The following YY1 variants were observed in gnomAD, a reference collection of about 807,000 sequenced individuals.
The protein encoded by YY1 is YY1 transcription factor, also known as transcriptional repressor protein YY1.
YY1 carries 2 observed loss-of-function variants against 35.6 expected under a neutral mutation model. That is an observed-to-expected ratio of 0.06 (90% confidence interval 0.02 to 0.18). YY1 has a LOEUF of 0.18. Ranked by LOEUF, YY1 falls within the 10% of genes least tolerant of loss-of-function variation. The pLI, the probability that YY1 is intolerant of heterozygous loss-of-function variation, is 1.00. For synonymous variants in YY1, 268 were observed against 238.9 expected (o/e 1.12, Z -1.12); for missense variants, 322 against 573.4 (o/e 0.56, Z 4.48).
chr14:100,273,465 A>AT (rs971131157), intron 2 of YY1, among the ~76,000 whole-genome samples: 3 of 151,032 alleles, frequency 2.0e-5, no homozygotes, highest in Non-Finnish European at 4.4e-5. Flanking sequence ...ATTTTGGGGG[A>AT]TTTTTTGTTT....
intron 1 of YY1, among the ~76,000 whole-genome samples, chr14:100,248,086 A>C (rs969086518): frequency 2.0e-5 from 3 of 148,508 alleles, no homozygotes; most frequent in East Asian, 2.0e-4. Context: ...CTGGGATTAC[A>C]GGTGTGCACC....
At position 100,277,032 on chromosome 14, in the gene YY1, C is replaced by A; in HGVS notation, c.1062+384C>A. The A allele has an allele frequency of 2.4e-6, 1 of 412,274 alleles. No homozygotes were observed. The highest frequency in any genetic ancestry group is 2.5e-5 in the South Asian group (1 of 39,738). The allele number at this position is 412,274 out of a possible 1,614,324, so 25.5% of individuals were successfully genotyped here. A position where few individuals can be genotyped will look rare whatever the true frequency, so the allele number is the denominator to read the frequency against. On this transcript the variant is annotated intron_variant, in intron 4 of 4. Transcript: ENST00000262238. This position sits in a 1 kb window ranked among gnomAD's most constrained non-coding sequence, Gnocchi z 5.6. ...TTCTAGAGTGTAAGTATAGGTAATA[C>A]TTTAGCCCATAAATAAGTGAAAGAA...
rs57119106 is a variant in YY1, at chr14:100,249,748, GT to G, written c.679+9836del. ...TCAAATCTCAGATTTGCTACTTACC[GT>G]TTTTTTTTTTGTTTGTTTTTGTTTT... On this transcript the variant is annotated intron_variant, in intron 1 of 4. Coordinates refer to ENST00000262238, the MANE Select transcript of YY1 (RefSeq NM_003403.5). Among the ~76,000 whole-genome samples, 247 of 141,032 alleles carry G rather than the reference GT, an allele frequency of 1.8e-3. 4 individuals are homozygous for G. The highest frequency in any genetic ancestry group is 6.0e-3 in the African/African-American group (226 of 37,720). 92.5% of individuals were successfully genotyped at this position (141,032 alleles called of 152,430 possible).
chr14:100,239,770 GGCGGCAAGAAGA>G lies in YY1; in HGVS notation c.540_551del (p.Gly181_Ser184del), dbSNP rs776894477. 2.9e-5 allele frequency: 46 copies of G among 1,575,008 alleles called. No homozygotes were observed. The highest frequency in any genetic ancestry group is 1.8e-4 in the Middle Eastern group (1 of 5,712). ...GGGAGGCGGCCGCGTCAAGAAGGGC[GGCGGCAAGAAGA>G]GCGGCAAGAAGAGTTACCTCAGCGG... On this transcript the variant is annotated inframe_deletion, in exon 1 of 5. Transcript: ENST00000262238.
chr14:100,258,546 A>C, intron 1 of YY1, among the ~76,000 whole-genome samples: 1 of 152,262 alleles, frequency 6.6e-6, no homozygotes, highest in African/African-American at 2.4e-5. Context: ...TTGTATTTTT[A>C]GTAGAGACGG....
intron 1 of YY1, among the ~76,000 whole-genome samples, chr14:100,249,100 ATTTTTTTTTTTTTTTTTTTT>A (rs60088505): frequency 0.029 from 1,367 of 46,988 alleles, 62 homozygotes; most frequent in African/African-American, 0.087. Flanking sequence ...TTCTCGTGTA[ATTTTTTTTTTTTTTTTTTTT>A]TTTTTTTTTT....
chr14:100,271,120 A>G (rs1266620072), intron 2 of YY1, among the ~76,000 whole-genome samples: 1 of 151,810 alleles, frequency 6.6e-6, no homozygotes, highest in African/African-American at 2.4e-5. Context: ...AGTGGCGGAC[A>G]CCTGTAGTCC....
intron 1 of YY1, among the ~76,000 whole-genome samples, chr14:100,254,919 G>A (rs544545776): frequency 3.1e-5 from 4 of 127,442 alleles, no homozygotes; most frequent in East Asian, 4.8e-4. Flanking sequence ...GATTACAAGC[G>A]CCCGCCACCA....
chr14:100,277,642 C>G lies in YY1; in HGVS notation c.*42C>G, dbSNP rs975501706. 1.9e-6 allele frequency: 3 copies of G among 1,596,810 alleles called. No homozygotes were observed. The highest frequency in any genetic ancestry group is 2.6e-6 in the Non-Finnish European group (3 of 1,165,804). On this transcript the variant is annotated 3_prime_UTR_variant, in exon 5 of 5. Coordinates refer to ENST00000262238, the MANE Select transcript of YY1 (RefSeq NM_003403.5). The surrounding 1 kb of genome is among the most constrained non-coding windows in gnomAD (Gnocchi z 5.6). ...CCTTCTCGACCACGGGAAGCATCTT[C>G]CAGAAGTGTGATTGGGAATAAATAT...
chr14:100,260,778 T>C (rs1891074880), intron 1 of YY1, among the ~76,000 whole-genome samples: 1 of 18,864 alleles, frequency 5.3e-5, no homozygotes, highest in Non-Finnish European at 1.0e-4. Flanking sequence ...GTCCTTTTTT[T>C]TTTTTTTTTT....
intron 2 of YY1, 24 bp from the exon 3 acceptor site, chr14:100,274,674 T>G: frequency 6.2e-7 from 1 of 1,606,908 alleles, no homozygotes; most frequent in South Asian, 1.1e-5. Flanking sequence ...CAAATCTGTC[T>G]GTCTCTCTTT....
At chr14:100,262,612 TTTG>T in intron 2 of YY1, 146 bp downstream of exon 2, 1 of 930,714 alleles carries the variant, frequency 1.1e-6, no homozygotes, top group African/African-American at 1.8e-5. Flanking sequence ...GTTTTATTTG[TTTG>T]TTTTTTGTTT....
chr14:100,254,130 A>G (rs1028183352), intron 1 of YY1, among the ~76,000 whole-genome samples: 15 of 152,062 alleles, frequency 9.9e-5, no homozygotes, highest in Admixed American at 2.6e-4. Flanking sequence ...GCCACCACAC[A>G]TGGCCAAGAT....
At chr14:100,262,224 A>G in intron 1 of YY1, 80 bp from the exon 2 acceptor site, 1 of 1,501,014 alleles carries the variant, frequency 6.7e-7, no homozygotes, top group Admixed American at 1.8e-5. Flanking sequence ...ACCCCATTTA[A>G]GAAGTTACTG....
chr14:100,274,629 A>G (rs1461784183), intron 2 of YY1, 69 bp from the exon 3 acceptor site: 24 of 1,364,184 alleles, frequency 1.8e-5, no homozygotes, highest in African/African-American at 5.7e-5. Flanking sequence ...TTTAGGGACT[A>G]TATGATTTAT....
chr14:100,245,244 C>A (rs1890815589), intron 1 of YY1, among the ~76,000 whole-genome samples: 1 of 152,172 alleles, frequency 6.6e-6, no homozygotes, highest in African/African-American at 2.4e-5. Context: ...CCTGTTTCTT[C>A]TGTATTTAAC....
intron 1 of YY1, among the ~76,000 whole-genome samples, chr14:100,247,536 AGGCAT>A (rs1055012399): frequency 2.0e-5 from 3 of 152,106 alleles, no homozygotes; most frequent in Non-Finnish European, 2.9e-5. Context: ...ACGCACCACC[AGGCAT>A]GGCTAATTTT....
At chr14:100,254,939 A>ATTTTTTTTTTTTTTTTTTT (rs1301294348) in intron 1 of YY1, among the ~76,000 whole-genome samples, 1 of 29,382 alleles carries the variant, frequency 3.4e-5, no homozygotes, top group South Asian at 2.5e-3. Flanking sequence ...ACGCCCAGCT[A>ATTTTTTTTTTTTTTTTTTT]ATTTTTTTTT....
chr14:100,258,285 GCCCTGGGAA>G (rs1891031939), intron 1 of YY1, among the ~76,000 whole-genome samples: 1 of 152,172 alleles, frequency 6.6e-6, no homozygotes, highest in African/African-American at 2.4e-5. Flanking sequence ...GGAGCAGGCA[GCCCTGGGAA>G]CAGGAATGAA....
Sources: allele counts gnomAD v4.1 joint callset (sites outside exome capture counted in the v4.1 genomes callset), GRCh38; gene constraint gnomAD v4.1.1; non-coding constraint Gnocchi (gnomAD v3.1); transcripts MANE v1.5; gene names NCBI Gene and HGNC (gene_info 2026-07-23, HGNC 2026-07-21).